PCDH7: variants seen among roughly 807,000 people sequenced by gnomAD.
PCDH7 encodes the protein protocadherin-7.
A neutral mutation model predicts 58.9 loss-of-function variants in PCDH7; 17 were observed. That is an observed-to-expected ratio of 0.29 (90% CI 0.20 to 0.43). PCDH7 has a LOEUF of 0.43. PCDH7 is among the 20% of genes least tolerant of loss of function. The pLI is 1.00. For missense variants in PCDH7, 1,274 were observed against 1,441.0 expected (o/e 0.88, Z 1.88); for synonymous variants, 664 against 616.4 (o/e 1.08, Z -1.14).
rs200825346 is a variant in PCDH7 at position 30,760,061 on chromosome 4, G to GA, written c.70+35476dup. Among the ~76,000 whole-genome samples the GA allele has an allele frequency of 2.4e-3, 349 of 145,874 alleles. 1 individual carries two copies. The highest frequency in any genetic ancestry group is 3.8e-3 in the East Asian group (19 of 5,052). On this transcript the variant is annotated intron_variant, in intron 1 of 3. Coordinates refer to the PCDH7 transcript ENST00000509759. ...AAACACATATGAAAGCTACTGATAA[G>GA]AAAAAAAAAAACTTAAGAAGTACGG...
chr4:30,957,190 A>G (rs770529364), intron 3 of PCDH7, among the ~76,000 whole-genome samples: 3 of 152,178 alleles, frequency 2.0e-5, no homozygotes, highest in Non-Finnish European at 4.4e-5. Context: ...TCCAATCACA[A>G]ACGTTAACCA....
intron 1 of PCDH7, among the ~76,000 whole-genome samples, chr4:30,830,255 T>C (rs1729601398): frequency 6.6e-6 from 1 of 152,100 alleles, no homozygotes; most frequent in Non-Finnish European, 1.5e-5. Flanking sequence ...GAGTTGAATC[T>C]TGTTAATGTA....
chr4:31,046,166 A>T (rs1370576986), intron 3 of PCDH7, among the ~76,000 whole-genome samples: 2 of 151,958 alleles, frequency 1.3e-5, no homozygotes, highest in African/African-American at 4.8e-5. Context: ...CACCTAGGCT[A>T]AATAGTCCAG....
chr4:30,929,100 A>T (rs1305707785), intron 2 of PCDH7, among the ~76,000 whole-genome samples: 3 of 152,166 alleles, frequency 2.0e-5, no homozygotes, highest in Non-Finnish European at 4.4e-5. Flanking sequence ...CAAACTCAAT[A>T]ATAACCCGTA....
chr4:30,910,732 T>C (rs1741623604), intron 1 of PCDH7, among the ~76,000 whole-genome samples: 1 of 152,174 alleles, frequency 6.6e-6, no homozygotes, highest in Non-Finnish European at 1.5e-5. Flanking sequence ...AGTTCAACCA[T>C]TCTGGAAGAC....
chr4:30,796,578 T>C (rs1724802574), intron 1 of PCDH7, among the ~76,000 whole-genome samples: 1 of 152,250 alleles, frequency 6.6e-6, no homozygotes, highest in African/African-American at 2.4e-5. Context: ...AGATATTACA[T>C]AGAAGGCTAA....
In PCDH7 at chr4:31,034,509, A is replaced by G. The variant is rs560815457; in HGVS notation, c.*7+84294A>G. ...TTACCTATTCTGAAAACACATTTTTACAATGAAGACAACTAAAGCGTAGCC... is the reference window on the plus strand; with the variant it reads ...TTACCTATTCTGAAAACACATTTTTGCAATGAAGACAACTAAAGCGTAGCC... On this transcript the variant is annotated intron_variant, in intron 3 of 3. Coordinates refer to the PCDH7 transcript ENST00000509759. Among the ~76,000 whole-genome samples, 405 of 152,342 alleles carry G rather than the reference A, an allele frequency of 2.7e-3. 3 individuals carry two copies. Among genetic ancestry groups the G allele is most frequent in the Middle Eastern group, 0.01 (3 of 294 alleles).
chr4:30,969,690 A>G (rs1415209701), intron 3 of PCDH7, among the ~76,000 whole-genome samples: 1 of 152,186 alleles, frequency 6.6e-6, no homozygotes, highest in Non-Finnish European at 1.5e-5. Flanking sequence ...GAGAAAGAGA[A>G]TGCACGCATT....
intron 1 of PCDH7, among the ~76,000 whole-genome samples, chr4:30,739,147 T>TG (rs1716730051): frequency 1.4e-5 from 2 of 146,614 alleles, no homozygotes; most frequent in Non-Finnish European, 3.0e-5. Context: ...AATATATATA[T>TG]TTTATATATA....
intron 3 of PCDH7, among the ~76,000 whole-genome samples, chr4:30,989,405 C>A (rs1354842439): frequency 1.3e-5 from 2 of 152,164 alleles, no homozygotes; most frequent in Non-Finnish European, 2.9e-5. Context: ...AGTGATGGAG[C>A]TGCAGTAATA....
At chr4:30,994,163 A>G (rs1560562659) in intron 3 of PCDH7, among the ~76,000 whole-genome samples, 1 of 152,214 alleles carries the variant, frequency 6.6e-6, no homozygotes, top group African/African-American at 2.4e-5. Flanking sequence ...TATGTGTTCT[A>G]TCTTTGTTAA....
At chr4:31,087,360 T>C (rs1712582100) in intron 3 of PCDH7, among the ~76,000 whole-genome samples, 1 of 152,180 alleles carries the variant, frequency 6.6e-6, no homozygotes. Context: ...GGAAGATTTA[T>C]ATGAAAAGGT....
intron 1 of PCDH7, among the ~76,000 whole-genome samples, chr4:30,851,231 G>A (rs1052668812): frequency 6.6e-6 from 1 of 151,748 alleles, no homozygotes; most frequent in Non-Finnish European, 1.5e-5. Context: ...TGTCATTAGA[G>A]GGATACATTT....
intron 1 of PCDH7, among the ~76,000 whole-genome samples, chr4:30,726,817 T>C (rs1479986438): frequency 9.9e-5 from 15 of 152,014 alleles, no homozygotes; most frequent in Admixed American, 9.8e-4. Context: ...GTAATTGATA[T>C]GTTTCATCTC....
At chr4:31,042,870 A>C (rs1174331408) in intron 3 of PCDH7, among the ~76,000 whole-genome samples, 1 of 152,086 alleles carries the variant, frequency 6.6e-6, no homozygotes, top group African/African-American at 2.4e-5. Flanking sequence ...AAACATATTT[A>C]TTATCGTTCT....
Position 30,721,798 on chromosome 4 carries a change from C to T in PCDH7, c.376C>T (p.Leu126=), listed in dbSNP as rs1292709504. Residue 126 remains leucine, a synonymous_variant, in exon 1 of 2, where the codon CTG becomes TTG. Transcript: ENST00000361762. The surrounding 1 kb of genome is among the most constrained non-coding windows in gnomAD (Gnocchi z 6.7). The stretch of plus-strand genomic sequence containing the variant: ...CGGGCCCTCGCAGAGCTGGGTGGAC[C>T]TGTTTGAGGGTCAGGTCATCGTGCT... The T allele has an allele frequency of 1.2e-6, 2 of 1,613,100 alleles. No individual in the cohort carries two copies. Among genetic ancestry groups the T allele is most frequent in the Non-Finnish European group, 1.7e-6 (2 of 1,179,746 alleles).
At chr4:31,003,888 G>A (rs1752556045) in intron 3 of PCDH7, among the ~76,000 whole-genome samples, 1 of 152,146 alleles carries the variant, frequency 6.6e-6, no homozygotes, top group Non-Finnish European at 1.5e-5. Context: ...TCTGATTAGG[G>A]ACTCAATCTG....
intron 1 of PCDH7, among the ~76,000 whole-genome samples, chr4:30,900,136 T>C (rs765865915): frequency 6.6e-6 from 1 of 152,168 alleles, no homozygotes; most frequent in Non-Finnish European, 1.5e-5. Flanking sequence ...CTAACTTAAA[T>C]CTTTTTGCTA....
chr4:30,967,895 T>C (rs1012631188), intron 3 of PCDH7, among the ~76,000 whole-genome samples: 3 of 152,102 alleles, frequency 2.0e-5, no homozygotes, highest in African/African-American at 7.2e-5. Flanking sequence ...ATTTCATGCA[T>C]ACTTCTAGCA....
Sources: gnomAD v4.1 joint callset for allele counts (sites outside exome capture counted in the v4.1 genomes callset) on GRCh38, gnomAD v4.1.1 for gene constraint, Gnocchi (gnomAD v3.1) non-coding constraint, MANE v1.5 for transcripts, NCBI Gene and HGNC (gene_info 2026-07-23, HGNC 2026-07-21) for gene names.